Variants in ELMO1 observed in about 807,000 individuals in gnomAD.
The protein encoded by ELMO1 is engulfment and cell motility 1.
A neutral mutation model predicts 98.9 loss-of-function variants in ELMO1; 26 were observed. That is an observed-to-expected ratio of 0.26 (90% confidence interval 0.19 to 0.36). The LOEUF is 0.36. Ranked by LOEUF, ELMO1 falls within the 10% of genes least tolerant of loss-of-function variation. The pLI, the probability that ELMO1 is intolerant of heterozygous loss-of-function variation, is 1.00. For synonymous variants in ELMO1, 346 were observed against 346.0 expected, an observed-to-expected ratio of 1.00 and a Z score of 0.00; for missense variants, 627 against 935.2, an observed-to-expected ratio of 0.67 and a Z score of 4.30.
At chr7:37,102,721 A>T (rs1313908188) in intron 14 of ELMO1, among the ~76,000 whole-genome samples, 1 of 152,250 alleles carries the variant, frequency 6.6e-6, no homozygotes, top group Non-Finnish European at 1.5e-5. Flanking sequence ...ACAGATGAAG[A>T]AACAGAGACA....
intron 2 of ELMO1, among the ~76,000 whole-genome samples, chr7:37,329,738 C>A (rs954539841): frequency 6.6e-6 from 1 of 152,148 alleles, no homozygotes; most frequent in Admixed American, 6.5e-5. Flanking sequence ...GTTGTTCATA[C>A]CAGAAATCTC....
At chr7:37,098,494 C>T (rs867319509) in intron 14 of ELMO1, among the ~76,000 whole-genome samples, 26 of 152,080 alleles carry the variant, frequency 1.7e-4, no homozygotes, top group Middle Eastern at 3.2e-3. Context: ...GAGAATCAAA[C>T]GATGAGAAAG....
intron 16 of ELMO1, among the ~76,000 whole-genome samples, chr7:36,978,509 CA>C (rs141235073): frequency 6.6e-6 from 1 of 151,862 alleles, no homozygotes; most frequent in Non-Finnish European, 1.5e-5. Flanking sequence ...GTGAAAGAAC[CA>C]AAAATGTACA....
chr7:36,997,749 G>A (rs1792327158), intron 16 of ELMO1: 3 of 152,682 alleles, frequency 2.0e-5, no homozygotes, highest in Admixed American at 2.0e-4. Flanking sequence ...GCAGTGGTAG[G>A]AGAGGAAAAG....
At chr7:37,370,375 T>C (rs190679623) in intron 1 of ELMO1, among the ~76,000 whole-genome samples, 137 of 152,290 alleles carry the variant, frequency 9.0e-4, no homozygotes, top group African/African-American at 3.1e-3. Flanking sequence ...TCTTGAGTTT[T>C]CATATGTTTT....
At chr7:37,050,769 CAA>C (rs34188455) in intron 15 of ELMO1, among the ~76,000 whole-genome samples, 1 of 133,192 alleles carries the variant, frequency 7.5e-6, no homozygotes, top group Admixed American at 7.6e-5. Context: ...ATACAATTAC[CAA>C]AAAAAAAAAC....
intron 1 of ELMO1, among the ~76,000 whole-genome samples, chr7:37,348,907 G>T (rs943396798): frequency 1.3e-5 from 2 of 152,124 alleles, no homozygotes; most frequent in Non-Finnish European, 1.5e-5. Flanking sequence ...TTAGTTTTGG[G>T]TGACTGCAAT....
intron 4 of ELMO1, among the ~76,000 whole-genome samples, chr7:37,281,017 A>ATATATATATG (rs1797108869): frequency 8.1e-6 from 1 of 124,214 alleles, no homozygotes; most frequent in Non-Finnish European, 1.8e-5. Flanking sequence ...ATATAAATAT[A>ATATATATATG]TATATATACA....
intron 1 of ELMO1, among the ~76,000 whole-genome samples, chr7:37,418,585 G>A (rs975156005): frequency 2.0e-5 from 3 of 152,180 alleles, no homozygotes; most frequent in African/African-American, 7.2e-5. Context: ...TAGTGGGAAG[G>A]GACTGTGCTG....
chr7:37,109,680 T>C (rs904614324), intron 14 of ELMO1, among the ~76,000 whole-genome samples: 2 of 151,980 alleles, frequency 1.3e-5, no homozygotes, highest in East Asian at 3.9e-4. Flanking sequence ...CCTAATAGGA[T>C]TTCCTTCCCC....
At chr7:37,131,732 T>C (rs1277817870) in intron 14 of ELMO1, among the ~76,000 whole-genome samples, 2 of 152,256 alleles carry the variant, frequency 1.3e-5, no homozygotes, top group African/African-American at 2.4e-5. Flanking sequence ...AATTTTCTTA[T>C]GTGGGACTGT....
intron 13 of ELMO1, among the ~76,000 whole-genome samples, chr7:37,208,518 G>C (rs915925405): frequency 6.6e-6 from 1 of 152,228 alleles, no homozygotes; most frequent in African/African-American, 2.4e-5. Flanking sequence ...AGTTCAGTAA[G>C]GAGTTTAACA....
intron 16 of ELMO1, among the ~76,000 whole-genome samples, chr7:36,997,631 G>C (rs536359046): frequency 6.6e-6 from 1 of 152,260 alleles, no homozygotes; most frequent in African/African-American, 2.4e-5. Flanking sequence ...TTTAGCTTTG[G>C]ACATCCCGAG....
At chr7:37,395,367 C>CAA (rs59452486) in intron 1 of ELMO1, among the ~76,000 whole-genome samples, 36,622 of 66,196 alleles carry the variant, frequency 0.55, 9,630 homozygotes, top group Non-Finnish European at 0.63. Context: ...AACTCCATCT[C>CAA]AAAAAAAAAA....
intron 15 of ELMO1, among the ~76,000 whole-genome samples, chr7:37,080,529 C>T (rs750463302): frequency 9.9e-5 from 15 of 151,140 alleles, no homozygotes; most frequent in Non-Finnish European, 2.1e-4. Context: ...TCTCTGCCTC[C>T]CGAATTCAAG....
At chr7:36,906,273 C>T (rs1243298591) in intron 16 of ELMO1, among the ~76,000 whole-genome samples, 1 of 152,200 alleles carries the variant, frequency 6.6e-6, no homozygotes, top group African/African-American at 2.4e-5. Flanking sequence ...GCCTACTCGT[C>T]AAGATTCTGT....
intron 1 of ELMO1, among the ~76,000 whole-genome samples, chr7:37,407,247 C>T (rs1803809534): frequency 6.6e-6 from 1 of 152,104 alleles, no homozygotes; most frequent in Non-Finnish European, 1.5e-5. Flanking sequence ...CGGTGGCTCA[C>T]GTCTGTAATC....
At chr7:37,031,456 C>T (rs1165767560) in intron 15 of ELMO1, among the ~76,000 whole-genome samples, 3 of 152,086 alleles carry the variant, frequency 2.0e-5, no homozygotes, top group Non-Finnish European at 4.4e-5. Context: ...ATGCTTTTCC[C>T]TCTGCCTTAA....
chr7:36,870,294 GCA>G lies in ELMO1; in HGVS notation c.1905+97_1905+98del. On this transcript the variant is annotated intron_variant, in intron 20 of 21. Coordinates refer to ENST00000310758, the MANE Select transcript of ELMO1 (RefSeq NM_014800.11). The surrounding 1 kb of genome is among the most constrained non-coding windows in gnomAD (Gnocchi z 4.4). ...ATAAGAGATGTGTGTCTGAACACAC[GCA>G]CACACACGAACACTGCTATAAAGGA... is the stretch of plus-strand genomic sequence containing the variant. 2 of 966,054 alleles carry G rather than the reference GCA, an allele frequency of 2.1e-6. No individual in the cohort carries two copies. The highest frequency in any genetic ancestry group is 3.3e-6 in the Non-Finnish European group (2 of 614,478). 59.8% of individuals were successfully genotyped at this position (966,054 alleles called of 1,614,324 possible).
Sources: gnomAD v4.1 joint callset for allele counts (sites outside exome capture counted in the v4.1 genomes callset) on GRCh38, gnomAD v4.1.1 for gene constraint, Gnocchi (gnomAD v3.1) non-coding constraint, MANE v1.5 for transcripts, NCBI Gene and HGNC (gene_info 2026-07-23, HGNC 2026-07-21) for gene names.